ZNF892: variants seen among roughly 807,000 people sequenced by gnomAD.
ZNF892 encodes the protein zinc finger protein 892, also known as zinc finger protein 570-like.
the ZNF892 span, among the ~76,000 whole-genome samples, chr2:95,245,455 G>A: frequency 9.5e-6 from 1 of 105,366 alleles, no homozygotes; most frequent in African/African-American, 4.1e-5. Flanking sequence ...GACGGCGGGG[G>A]GGGGGGGGTT....
At chr2:95,251,376 C>A in the ZNF892 span, among the ~76,000 whole-genome samples, 17 of 152,130 alleles carry the variant, frequency 1.1e-4, no homozygotes, top group African/African-American at 3.9e-4. Context: ...TAAAACAATC[C>A]TTTCAGATAT....
At chr2:95,220,011 C>T in the ZNF892 span, among the ~76,000 whole-genome samples, 2 of 152,146 alleles carry the variant, frequency 1.3e-5, no homozygotes, top group Admixed American at 6.5e-5. Flanking sequence ...TCCTGACCCC[C>T]CACTTGGCTT....
chr2:95,255,546 G>T, the ZNF892 span, among the ~76,000 whole-genome samples: 1 of 152,192 alleles, frequency 6.6e-6, no homozygotes, highest in Non-Finnish European at 1.5e-5. Context: ...TGAAAAGAAT[G>T]TATATTCTGT....
At chr2:95,223,060 G>A in the ZNF892 span, among the ~76,000 whole-genome samples, 1 of 152,150 alleles carries the variant, frequency 6.6e-6, no homozygotes, top group Admixed American at 6.5e-5. Context: ...AGTTAAGCGG[G>A]TCTGTTTCTC....
the ZNF892 span, among the ~76,000 whole-genome samples, chr2:95,237,209 G>A: frequency 2.7e-5 from 4 of 150,314 alleles, no homozygotes; most frequent in South Asian, 2.1e-4. Context: ...GTGCAGTGGC[G>A]CGATCACGGC....
the ZNF892 span, among the ~76,000 whole-genome samples, chr2:95,245,639 AAG>A: frequency 6.6e-6 from 1 of 151,948 alleles, no homozygotes; most frequent in African/African-American, 2.4e-5. Flanking sequence ...TAAAGAAGAA[AAG>A]AGAGAAGAAT....
At chr2:95,236,477 G>A in the ZNF892 span, among the ~76,000 whole-genome samples, 1 of 152,302 alleles carries the variant, frequency 6.6e-6, no homozygotes, top group Admixed American at 6.5e-5. Flanking sequence ...GGTTCATTTA[G>A]TTCCATGTAA....
chr2:95,234,392 G>A, the ZNF892 span, among the ~76,000 whole-genome samples: 1 of 152,196 alleles, frequency 6.6e-6, no homozygotes, highest in Non-Finnish European at 1.5e-5. Flanking sequence ...CTGATTGTGG[G>A]TCTAAGACCT....
the ZNF892 span, among the ~76,000 whole-genome samples, chr2:95,227,490 A>ATT: frequency 7.0e-6 from 1 of 143,052 alleles, no homozygotes; most frequent in Non-Finnish European, 1.5e-5. Flanking sequence ...TGCCCAGCTA[A>ATT]TTTTTTTTTT....
chr2:95,240,332 C>T, the ZNF892 span, among the ~76,000 whole-genome samples: 1 of 152,168 alleles, frequency 6.6e-6, no homozygotes, highest in Non-Finnish European at 1.5e-5. Context: ...GGGGCAATGG[C>T]CCACACAGGA....
At chr2:95,252,584 G>T in the ZNF892 span, among the ~76,000 whole-genome samples, 1 of 152,066 alleles carries the variant, frequency 6.6e-6, no homozygotes, top group Non-Finnish European at 1.5e-5. Flanking sequence ...GATTTATAAT[G>T]CTTTGGGTAT....
At chr2:95,235,905 C>G in the ZNF892 span, among the ~76,000 whole-genome samples, 2 of 152,192 alleles carry the variant, frequency 1.3e-5, no homozygotes, top group Non-Finnish European at 2.9e-5. Flanking sequence ...GAATACAGTA[C>G]TGTTCAACGC....
chr2:95,234,016 A>C, the ZNF892 span, among the ~76,000 whole-genome samples: 2 of 152,152 alleles, frequency 1.3e-5, no homozygotes, highest in African/African-American at 4.8e-5. Flanking sequence ...GTTTTGTGAA[A>C]TATGTGTGTC....
the ZNF892 span, among the ~76,000 whole-genome samples, chr2:95,235,781 A>C: frequency 6.6e-6 from 1 of 152,182 alleles, no homozygotes; most frequent in Non-Finnish European, 1.5e-5. Context: ...TTAGGGTTTC[A>C]GGAAAAGGGA....
chr2:95,234,244 G>A, the ZNF892 span, among the ~76,000 whole-genome samples: 1 of 152,180 alleles, frequency 6.6e-6, no homozygotes, highest in Non-Finnish European at 1.5e-5. Context: ...GCAGTCAGGC[G>A]CTCAATGAGG....
At chr2:95,251,756 C>T in the ZNF892 span, among the ~76,000 whole-genome samples, 11 of 152,164 alleles carry the variant, frequency 7.2e-5, no homozygotes, top group Non-Finnish European at 1.5e-4. Context: ...TTGCTGGTTA[C>T]AAAGCAAAAC....
chr2:95,252,050 C>A, the ZNF892 span, among the ~76,000 whole-genome samples: 11 of 152,198 alleles, frequency 7.2e-5, no homozygotes, highest in Non-Finnish European at 1.6e-4. Context: ...AGAAAATGAG[C>A]ACTCAAAGGA....
At chr2:95,224,736 C>T in the ZNF892 span, among the ~76,000 whole-genome samples, 2 of 152,206 alleles carry the variant, frequency 1.3e-5, no homozygotes, top group Non-Finnish European at 2.9e-5. Context: ...CCCTAAAGTT[C>T]ATGTGTTGGC....
chr2:95,261,128 T>G, the ZNF892 span, among the ~76,000 whole-genome samples: 1 of 152,034 alleles, frequency 6.6e-6, no homozygotes, highest in East Asian at 1.9e-4. Context: ...AGGAGGAGAC[T>G]CATGACAACC....
Sources: allele counts gnomAD v4.1 joint callset (sites outside exome capture counted in the v4.1 genomes callset), GRCh38; gene constraint gnomAD v4.1.1; transcripts MANE v1.5; gene names NCBI Gene and HGNC (gene_info 2026-07-23, HGNC 2026-07-21).